The following INTS6L variants were observed in gnomAD, a reference collection of about 807,000 sequenced individuals.
INTS6L encodes integrator complex subunit 6 like, also known as integrator complex subunit 6-like.
In INTS6L, 18 loss-of-function variants were observed where a neutral mutation model predicts 64.7. The ratio of observed to expected loss-of-function variants is 0.28; its 90% CI spans 0.19 to 0.41. The LOEUF (loss-of-function observed/expected upper bound fraction) is 0.41, where lower values mean the gene tolerates loss of function less well. Among genes scored for constraint, INTS6L ranks in the 10% least tolerant of loss-of-function variants. INTS6L has a pLI of 1.00. For synonymous variants in INTS6L, 227 were observed against 235.9 expected, an observed-to-expected ratio of 0.96 and a Z score of 0.34; for missense variants, 533 against 661.0, an observed-to-expected ratio of 0.81 and a Z score of 2.12.
In INTS6L at chrX:135,574,078, A is replaced by G. The variant is rs2087160213; in HGVS notation, c.1741+16A>G. The G allele has an allele frequency of 2.6e-6, 3 of 1,176,351 alleles. No individual in the cohort carries two copies. The highest frequency in any genetic ancestry group is 3.4e-6 in the Non-Finnish European group (3 of 882,590). ...CAAGATGAAGGTAAAATAACTGTGA[A>G]ATACTTTTTTTTTTTTTTTGGAAAA... On this transcript the variant is annotated intron_variant, in intron 13 of 17. Transcript: ENST00000639893.
intron 10 of INTS6L, chrX:135,569,947 G>A (rs1327558781): frequency 8.8e-6 from 1 of 114,054 alleles, no homozygotes; most frequent in Admixed American, 9.2e-5. Flanking sequence ...TTCATAATGT[G>A]AAGTATTCAT....
chrX:135,526,386 C>A (rs1418189655), intron 2 of INTS6L, among the ~76,000 whole-genome samples: 1 of 111,450 alleles, frequency 9.0e-6, no homozygotes, highest in South Asian at 3.8e-4. Context: ...CATGTCTCTG[C>A]GCCCTCTCTT....
chrX:135,570,808 G>A, intron 11 of INTS6L: 1 of 269,721 alleles, frequency 3.7e-6, no homozygotes, highest in South Asian at 7.8e-5. Flanking sequence ...ATGGGGCAGA[G>A]GTTTAATAGA....
intron 2 of INTS6L, among the ~76,000 whole-genome samples, chrX:135,525,719 T>C (rs2085715712): frequency 8.9e-6 from 1 of 112,472 alleles, no homozygotes; most frequent in African/African-American, 3.2e-5. Flanking sequence ...ATAGATCTTA[T>C]TTGCAAAAGG....
intron 7 of INTS6L, among the ~76,000 whole-genome samples, chrX:135,551,103 A>G (rs1223596989): frequency 8.9e-6 from 1 of 112,499 alleles, no homozygotes; most frequent in African/African-American, 3.2e-5. Flanking sequence ...ATTGTAAACT[A>G]TAAAGGCAAG....
At chrX:135,539,561 T>C (rs2086143883) in intron 2 of INTS6L, among the ~76,000 whole-genome samples, 1 of 112,271 alleles carries the variant, frequency 8.9e-6, no homozygotes, top group Admixed American at 9.4e-5. Flanking sequence ...TGAAGTAGCA[T>C]TTTAAATTTT....
intron 8 of INTS6L, among the ~76,000 whole-genome samples, chrX:135,554,883 CTTTT>C (rs35845600): frequency 5.9e-5 from 3 of 50,472 alleles, no homozygotes; most frequent in Non-Finnish European, 3.1e-5. Flanking sequence ...ACCAGCATAA[CTTTT>C]TTTTTTTTTT....
chrX:135,551,998 C>T lies in INTS6L; in HGVS notation c.911C>T (p.Pro304Leu). Reference sequence around the variant, plus strand: ...TTTTTAAAAAATTTTTTTTAGCCTCCACGAACATCTCATCCTGTTGTGAGG... The same window carrying T: ...TTTTTAAAAAATTTTTTTTAGCCTCTACGAACATCTCATCCTGTTGTGAGG... ...WPDQNLPSLP[P>L]RTSHPVVRFS... is the part of the protein sequence containing the mutation. The change falls in exon 8 of 18, where the codon CCA becomes CTA. Residue 304 changes from proline (P) to leucine (L), a missense_variant. Transcript: ENST00000639893. 8.7e-7 allele frequency: 1 copy of T among 1,147,783 alleles called. No homozygotes were observed. The highest frequency in any genetic ancestry group is 2.9e-5 in the Admixed American group (1 of 33,986). The allele number at this position is 1,147,783 out of a possible 1,213,427, so 94.6% of individuals were successfully genotyped here.
In INTS6L at chrX:135,546,382, G is replaced by A. The variant is rs1044325743; in HGVS notation, c.342G>A (p.Gly114=). 4 of 1,132,260 alleles carry A rather than the reference G, an allele frequency of 3.5e-6. No individual in the cohort carries two copies. In the African/African-American group the frequency reaches 5.6e-5, roughly 16 times the overall value. The allele number at this position is 1,132,260 out of a possible 1,213,427, so 93.3% of individuals were successfully genotyped here. The part of the protein sequence containing the change: ...LISGIDNYGQ[G]RNPFFLEPSI... Reference sequence around the variant, plus strand: ...AATGCTTTTTAAATGTATTTTAGGGGAGAAATCCATTTTTTTTAGAACCAT... The same window carrying A: ...AATGCTTTTTAAATGTATTTTAGGGAAGAAATCCATTTTTTTTAGAACCAT... Residue 114 remains glycine, a splice_region_variant and synonymous_variant, in exon 4 of 18, where the codon GGG becomes GGA. Transcript: ENST00000639893.
intron 9 of INTS6L, among the ~76,000 whole-genome samples, chrX:135,558,193 C>T (rs1556520276): frequency 1.8e-5 from 2 of 111,766 alleles, no homozygotes; most frequent in African/African-American, 6.5e-5. Context: ...AATTCTTGTG[C>T]ACTCTTAGGA....
rs527897696 is a variant in INTS6L at position 135,580,027 on chromosome X, G to C, written c.2359G>C (p.Asp787His). 6.6e-6 allele frequency: 8 copies of C among 1,210,580 alleles called. No homozygotes were observed. In the South Asian group the frequency reaches 1.4e-4, roughly 21 times the overall value. ...GGAKNCSLSV[D>H]DQKDPVASTL... is the part of the protein sequence containing the mutation. ...AGCCAAAAACTGCAGTCTCTCCGTA[G>C]ATGACCAAAAAGACCCAGTAGCATC... Residue 787 changes from aspartate to histidine, a missense_variant, in exon 16 of 18, where the codon GAT (aspartate) becomes CAT (histidine). Physicochemically the swap from Asp to His is moderately conservative, Grantham distance 81. Transcript: ENST00000639893.
chrX:135,524,980 G>GT (rs2085692730), intron 2 of INTS6L, among the ~76,000 whole-genome samples: 1 of 112,441 alleles, frequency 8.9e-6, no homozygotes, highest in Non-Finnish European at 1.9e-5. Flanking sequence ...TGTTACAAGT[G>GT]TTGACCCCAC....
At chrX:135,567,435 T>G (rs1556525325) in intron 9 of INTS6L, among the ~76,000 whole-genome samples, 1 of 111,911 alleles carries the variant, frequency 8.9e-6, no homozygotes, top group Non-Finnish European at 1.9e-5. Flanking sequence ...ACTAAGGCAG[T>G]GTCACCCCAG....
chrX:135,529,030 G>A (rs1400193836), intron 2 of INTS6L, among the ~76,000 whole-genome samples: 1 of 111,705 alleles, frequency 9.0e-6, no homozygotes, highest in East Asian at 2.8e-4. Flanking sequence ...TCTTTTGGAT[G>A]CAGTTGGTGA....
chrX:135,576,689 T>TTAC (rs2148675967), intron 14 of INTS6L, among the ~76,000 whole-genome samples: 1 of 110,665 alleles, frequency 9.0e-6, no homozygotes. Context: ...GATGGGGAGG[T>TTAC]GCATTTTCCA....
intron 2 of INTS6L, among the ~76,000 whole-genome samples, chrX:135,535,808 G>A (rs1569508315): frequency 8.9e-6 from 1 of 112,084 alleles, no homozygotes; most frequent in Non-Finnish European, 1.9e-5. Flanking sequence ...ACTCAAATCT[G>A]TTAATCATTT....
chrX:135,521,429 C>A, intron 2 of INTS6L, 111 bp downstream of exon 2: 1 of 790,156 alleles, frequency 1.3e-6, no homozygotes, highest in South Asian at 2.8e-5. Flanking sequence ...GCGGGGCGGG[C>A]GGCGAGGGGG....
At chrX:135,550,426 T>C (rs1215270866) in intron 7 of INTS6L, among the ~76,000 whole-genome samples, 2 of 64,951 alleles carry the variant, frequency 3.1e-5, no homozygotes, top group East Asian at 1.0e-3. Context: ...GCCAGATCAA[T>C]TGGCTTTTTT....
intron 2 of INTS6L, among the ~76,000 whole-genome samples, chrX:135,522,175 C>T (rs2085597316): frequency 8.9e-6 from 1 of 112,065 alleles, no homozygotes; most frequent in Non-Finnish European, 1.9e-5. Flanking sequence ...AGCGAAGCAA[C>T]GACACGGAGG....
Sources: gnomAD v4.1 joint callset for allele counts (sites outside exome capture counted in the v4.1 genomes callset) on GRCh38, gnomAD v4.1.1 for gene constraint, MANE v1.5 for transcripts, NCBI Gene and HGNC (gene_info 2026-07-23, HGNC 2026-07-21) for gene names.